CLSTN2: variants seen among roughly 807,000 people sequenced by gnomAD.
The protein encoded by CLSTN2 is calsyntenin 2.
In CLSTN2, 48 loss-of-function variants were observed where a neutral mutation model predicts 101.2. The ratio of observed to expected loss-of-function variants is 0.47; its 90% CI spans 0.38 to 0.60. CLSTN2 has a LOEUF of 0.60. Among genes scored for constraint, CLSTN2 ranks in the 20% least tolerant of loss-of-function variants. The probability of loss-of-function intolerance (pLI) is 0.00; values close to 1 mark genes in which losing one functional copy is unlikely to be tolerated. For synonymous variants in CLSTN2, 481 were observed against 463.6 expected, an observed-to-expected ratio of 1.04 and a Z score of -0.48; for missense variants, 1,160 against 1,238.2, an observed-to-expected ratio of 0.94 and a Z score of 0.95.
chr3:140,427,349 A>T (rs1452005579), intron 5 of CLSTN2, among the ~76,000 whole-genome samples: 1 of 151,494 alleles, frequency 6.6e-6, no homozygotes. Context: ...GAAGAGAAGG[A>T]TAGGTCTGCC....
intron 5 of CLSTN2, among the ~76,000 whole-genome samples, chr3:140,423,116 C>A (rs1381072712): frequency 6.6e-6 from 1 of 152,202 alleles, no homozygotes; most frequent in Non-Finnish European, 1.5e-5. Flanking sequence ...TTGACTTTGA[C>A]AAATGAGGCA....
At chr3:139,985,968 G>C (rs9852676) in intron 1 of CLSTN2, among the ~76,000 whole-genome samples, 49,919 of 152,118 alleles carry the variant, frequency 0.33, 10,121 homozygotes, top group Non-Finnish European at 0.46. Context: ...GCTAGTGGCT[G>C]CTACACTCGA....
intron 1 of CLSTN2, among the ~76,000 whole-genome samples, chr3:140,115,972 T>C (rs1054255237): frequency 4.6e-5 from 7 of 152,214 alleles, no homozygotes; most frequent in African/African-American, 1.7e-4. Flanking sequence ...AAATGTAGCC[T>C]GGGTTTGCTG....
chr3:140,406,290 A>C (rs1187171781), intron 4 of CLSTN2, among the ~76,000 whole-genome samples: 3 of 152,226 alleles, frequency 2.0e-5, no homozygotes, highest in Non-Finnish European at 4.4e-5. Flanking sequence ...GAAGTGAAGG[A>C]GACACTCTCA....
chr3:140,448,880 T>C (rs1267368077), intron 6 of CLSTN2, among the ~76,000 whole-genome samples, 176 bp downstream of exon 6: 1 of 152,232 alleles, frequency 6.6e-6, no homozygotes, highest in African/African-American at 2.4e-5. Context: ...GCCCAGTTTT[T>C]GGCAGTAGAC....
chr3:139,935,481 A>C lies in CLSTN2; in HGVS notation c.107A>C (p.Lys36Thr). 8.2e-7 allele frequency: 1 copy of C among 1,226,774 alleles called. No individual in the cohort carries two copies. The highest frequency in any genetic ancestry group is 1.0e-6 in the Non-Finnish European group (1 of 982,418). The allele number at this position is 1,226,774 out of a possible 1,614,324, so 76.0% of individuals were successfully genotyped here. ...DSRQRRLLAA[K>T]VNKHKPWIET... The stretch of plus-strand genomic sequence containing the variant: ...CGGCAGCGCCGCCTCCTCGCGGCTA[A>C]AGGTGGGTGCTGGGGAAGTTTGCTC... Residue 36 changes from lysine to threonine, a missense_variant and splice_region_variant, in exon 1 of 17, where the codon AAA (lysine) becomes ACA (threonine). Lys to Thr is a moderately conservative substitution (Grantham distance 78). Coordinates refer to ENST00000458420, the MANE Select transcript of CLSTN2 (RefSeq NM_022131.3). The surrounding 1 kb of genome is among the most constrained non-coding windows in gnomAD (Gnocchi z 5.5).
At chr3:140,140,896 C>T (rs897141145) in intron 1 of CLSTN2, among the ~76,000 whole-genome samples, 1 of 152,092 alleles carries the variant, frequency 6.6e-6, no homozygotes, top group Non-Finnish European at 1.5e-5. Flanking sequence ...GAGTGACAAG[C>T]GACCCCTCCT....
At chr3:140,215,386 T>C (rs2107849088) in intron 2 of CLSTN2, among the ~76,000 whole-genome samples, 1 of 152,334 alleles carries the variant, frequency 6.6e-6, no homozygotes, top group South Asian at 2.1e-4. Flanking sequence ...AAAGAGCACA[T>C]AGAACAAAAG....
chr3:140,453,821 A>T (rs1211819137), intron 6 of CLSTN2, among the ~76,000 whole-genome samples: 1 of 152,224 alleles, frequency 6.6e-6, no homozygotes, highest in East Asian at 1.9e-4. Context: ...ATTATAATGC[A>T]ATTTTTTTTA....
intron 2 of CLSTN2, among the ~76,000 whole-genome samples, chr3:140,248,298 G>A (rs921379546): frequency 1.8e-4 from 27 of 152,236 alleles, no homozygotes; most frequent in African/African-American, 6.3e-4. Flanking sequence ...CCATGAGGAA[G>A]TGCCACCACC....
chr3:140,393,418 G>A (rs1359541857), intron 2 of CLSTN2, among the ~76,000 whole-genome samples: 1 of 152,112 alleles, frequency 6.6e-6, no homozygotes, highest in African/African-American at 2.4e-5. Flanking sequence ...CCTCAAATAC[G>A]TTTAATTGTT....
chr3:140,418,921 C>T (rs2107989041), intron 4 of CLSTN2, among the ~76,000 whole-genome samples: 1 of 152,152 alleles, frequency 6.6e-6, no homozygotes. Flanking sequence ...AGACCCTCAC[C>T]TTCCCATTTC....
intron 1 of CLSTN2, among the ~76,000 whole-genome samples, chr3:140,029,772 G>A (rs1023036068): frequency 1.3e-5 from 2 of 152,002 alleles, no homozygotes; most frequent in African/African-American, 4.8e-5. Flanking sequence ...TCTTGTCTTG[G>A]GAGCATTATC....
intron 1 of CLSTN2, among the ~76,000 whole-genome samples, chr3:140,024,590 C>A (rs1269073126): frequency 6.6e-6 from 1 of 152,234 alleles, no homozygotes. Flanking sequence ...AGGCTGCAGG[C>A]AGGAGCTGGG....
intron 1 of CLSTN2, among the ~76,000 whole-genome samples, chr3:140,052,546 T>C (rs77810930): frequency 0.018 from 2,698 of 152,302 alleles, 77 homozygotes; most frequent in African/African-American, 0.061. Flanking sequence ...TTAGCAGCCT[T>C]GCTGGATCAT....
intron 6 of CLSTN2, among the ~76,000 whole-genome samples, chr3:140,455,218 T>A (rs1453521821): frequency 1.3e-5 from 2 of 152,158 alleles, no homozygotes; most frequent in African/African-American, 4.8e-5. Flanking sequence ...TTATACTGGA[T>A]CCTCTCCCTG....
At chr3:140,046,615 T>A (rs1182123833) in intron 1 of CLSTN2, among the ~76,000 whole-genome samples, 4 of 151,454 alleles carry the variant, frequency 2.6e-5, no homozygotes, top group Non-Finnish European at 5.9e-5. Flanking sequence ...GCATCGATGG[T>A]CTTTACAATT....
At chr3:139,989,959 T>A (rs1936089731) in intron 1 of CLSTN2, among the ~76,000 whole-genome samples, 1 of 152,234 alleles carries the variant, frequency 6.6e-6, no homozygotes, top group Non-Finnish European at 1.5e-5. Flanking sequence ...TTATTTTTTC[T>A]TACAAATTAC....
chr3:140,305,019 C>G (rs2087097964), intron 2 of CLSTN2, among the ~76,000 whole-genome samples: 1 of 142,342 alleles, frequency 7.0e-6, no homozygotes, highest in Non-Finnish European at 1.5e-5. Context: ...CACACACACA[C>G]AGAGACACAC....
Sources: allele counts gnomAD v4.1 joint callset (sites outside exome capture counted in the v4.1 genomes callset), GRCh38; gene constraint gnomAD v4.1.1; non-coding constraint Gnocchi (gnomAD v3.1); transcripts MANE v1.5; gene names NCBI Gene and HGNC (gene_info 2026-07-23, HGNC 2026-07-21).